The following EIF2AK4 variants were observed in gnomAD, a reference collection of about 807,000 sequenced individuals.
EIF2AK4 encodes eukaryotic translation initiation factor 2 alpha kinase 4, also known as eIF-2-alpha kinase GCN2.
Under a neutral mutation model 211.1 loss-of-function variants are expected in EIF2AK4, and 139 were observed. That is an observed-to-expected ratio of 0.66 (90% CI 0.57 to 0.76). EIF2AK4 has a LOEUF of 0.76. Among genes scored for constraint, EIF2AK4 ranks in the 30% least tolerant of loss-of-function variants. EIF2AK4 has a pLI of 0.00. For synonymous variants in EIF2AK4, 710 were observed against 751.3 expected (o/e 0.94, Z 0.90); for missense variants, 1,664 against 2,043.8 (o/e 0.81, Z 3.58).
chr15:39,963,250 G>A (rs1313861314), intron 7 of EIF2AK4, among the ~76,000 whole-genome samples: 1 of 152,286 alleles, frequency 6.6e-6, no homozygotes, highest in South Asian at 2.1e-4. Context: ...ACCTGAGACT[G>A]TCCTTGACTC....
chr15:39,984,486 A>T (rs1388582339), intron 13 of EIF2AK4, among the ~76,000 whole-genome samples: 1 of 152,220 alleles, frequency 6.6e-6, no homozygotes, highest in African/African-American at 2.4e-5. Context: ...ATCCATGAGC[A>T]TGGAATGTTT....
At chr15:39,986,995 A>G (rs2034875180) in intron 14 of EIF2AK4, among the ~76,000 whole-genome samples, 1 of 152,258 alleles carries the variant, frequency 6.6e-6, no homozygotes, top group African/African-American at 2.4e-5. Context: ...AGAACTGGGC[A>G]GAAAAAGGAA....
At chr15:39,965,911 A>G in intron 8 of EIF2AK4, 68 bp downstream of exon 8, 3 of 1,573,836 alleles carry the variant, frequency 1.9e-6, no homozygotes, top group Non-Finnish European at 2.6e-6. Flanking sequence ...ACAGAACAAA[A>G]TAGCCCTGCA....
chr15:39,934,679 GGAT>G (rs1263490423), intron 1 of EIF2AK4, among the ~76,000 whole-genome samples: 1 of 152,136 alleles, frequency 6.6e-6, no homozygotes. Flanking sequence ...AAGCCCTTGC[GGAT>G]GATACCACAG....
chr15:39,958,804 C>G (rs2034427363), intron 6 of EIF2AK4, among the ~76,000 whole-genome samples: 1 of 152,144 alleles, frequency 6.6e-6, no homozygotes, highest in Non-Finnish European at 1.5e-5. Context: ...GCCCCAACAT[C>G]TACACATTGA....
intron 29 of EIF2AK4, among the ~76,000 whole-genome samples, chr15:40,018,160 A>G (rs927079540): frequency 6.6e-6 from 1 of 152,196 alleles, no homozygotes; most frequent in Admixed American, 6.5e-5. Flanking sequence ...GTTAAATATA[A>G]TTATAAAACT....
rs1274522740 is a variant in EIF2AK4 at position 40,029,465 on chromosome 15, G to T, written c.4561+1G>T. 6.2e-7 allele frequency: 1 copy of T among 1,612,226 alleles called. No individual in the cohort carries two copies. The highest frequency in any genetic ancestry group is 8.5e-7 in the Non-Finnish European group (1 of 1,179,218). ...AAGGGGTCATTTTCTAATGCTTCAG[G>T]TATAATTACTAATTATAATCTGAAC... On this transcript the variant is annotated splice_donor_variant, in intron 34 of 38. Transcript: ENST00000263791. LOFTEE classifies it high-confidence loss of function.
intron 14 of EIF2AK4, among the ~76,000 whole-genome samples, chr15:39,986,862 AAAC>A (rs200885460): frequency 8.1e-5 from 12 of 148,786 alleles, no homozygotes; most frequent in African/African-American, 1.5e-4. Flanking sequence ...TCTAAAAAAC[AAAC>A]AACAACAACA....
At chr15:39,992,058 T>C in intron 16 of EIF2AK4, 117 bp from the exon 17 acceptor site, 1 of 958,958 alleles carries the variant, frequency 1.0e-6, no homozygotes, top group Non-Finnish European at 1.5e-6. Flanking sequence ...CAAAGCGTTA[T>C]TATATTATTT....
At chr15:39,935,070 T>A (rs918724006) in intron 1 of EIF2AK4, among the ~76,000 whole-genome samples, 19 of 152,030 alleles carry the variant, frequency 1.2e-4, no homozygotes, top group Admixed American at 2.0e-4. Context: ...CAAAAAAACC[T>A]CAATGTTTTA....
intron 13 of EIF2AK4, among the ~76,000 whole-genome samples, chr15:39,981,780 T>C (rs1375589231): frequency 1.3e-5 from 2 of 152,146 alleles, no homozygotes; most frequent in Non-Finnish European, 2.9e-5. Flanking sequence ...GTATCATGTA[T>C]GAGAAAGAAA....
chr15:39,945,499 G>T (rs1436513280), intron 3 of EIF2AK4, among the ~76,000 whole-genome samples: 1 of 152,192 alleles, frequency 6.6e-6, no homozygotes, highest in Non-Finnish European at 1.5e-5. Context: ...AGCAGAGATT[G>T]GTTCATGAGG....
rs184352479 is a variant in EIF2AK4 at position 40,002,440 on chromosome 15, C to T, written c.3160-273C>T. The T allele has an allele frequency of 4.4e-5, 17 of 384,666 alleles. No individual in the cohort carries two copies. The East Asian group carries it at 6.6e-4, about 15-fold the overall frequency. The allele number at this position is 384,666 out of a possible 1,614,324, so 23.8% of individuals were successfully genotyped here. A position where few individuals can be genotyped will look rare whatever the true frequency, so the allele number is the denominator to read the frequency against. ...AATGTGTTTATTTGATTATCTCCCT[C>T]TGAAAGGCAAATATCAATGTGGCCA... is the stretch of plus-strand genomic sequence containing the variant. On this transcript the variant is annotated intron_variant, in intron 21 of 38. Transcript: ENST00000263791.
intron 33 of EIF2AK4, among the ~76,000 whole-genome samples, chr15:40,026,425 C>T (rs112808332): frequency 4.6e-5 from 7 of 152,240 alleles, no homozygotes; most frequent in African/African-American, 1.7e-4. Flanking sequence ...CCACTGCACT[C>T]CAGCCTGGGT....
chr15:39,967,971 T>C (rs1807451064), intron 9 of EIF2AK4, 92 bp downstream of exon 9: 1 of 1,310,884 alleles, frequency 7.6e-7, no homozygotes, highest in Admixed American at 2.2e-5. Context: ...ATGTGGAAGC[T>C]GAGAAGTGAG....
chr15:39,961,393 A>G (rs1274021661), intron 6 of EIF2AK4, among the ~76,000 whole-genome samples: 1 of 152,218 alleles, frequency 6.6e-6, no homozygotes, highest in East Asian at 1.9e-4. Flanking sequence ...AATGGAAATG[A>G]TCTGTATCTG....
intron 33 of EIF2AK4, among the ~76,000 whole-genome samples, chr15:40,027,545 A>T (rs1197290398): frequency 6.6e-6 from 1 of 152,124 alleles, no homozygotes; most frequent in African/African-American, 2.4e-5. Flanking sequence ...GATTCTACTA[A>T]AGCTGAGTTC....
At chr15:40,013,684 C>A (rs760541288) in intron 27 of EIF2AK4, among the ~76,000 whole-genome samples, 1 of 152,186 alleles carries the variant, frequency 6.6e-6, no homozygotes, top group African/African-American at 2.4e-5. Flanking sequence ...CCCGCCCCCA[C>A]GATTCAATTA....
chr15:40,032,743 G>A lies in EIF2AK4; in HGVS notation c.4729-14G>A, dbSNP rs956302940. On this transcript the variant is annotated splice_polypyrimidine_tract_variant and intron_variant, in intron 36 of 38. Transcript: ENST00000263791. ...TGCTGCTGAGAGTTGATGTACATTT[G>A]TGTGTATTCACAGGTGGATCTACCC... 1.2e-6 allele frequency: 2 copies of A among 1,612,328 alleles called. No homozygotes were observed. Among genetic ancestry groups the A allele is most frequent in the Non-Finnish European group, 1.7e-6 (2 of 1,179,102 alleles).
Sources: allele counts gnomAD v4.1 joint callset (sites outside exome capture counted in the v4.1 genomes callset), GRCh38; gene constraint gnomAD v4.1.1; transcripts MANE v1.5; gene names NCBI Gene and HGNC (gene_info 2026-07-23, HGNC 2026-07-21).